Variants in NHS observed in about 807,000 individuals in gnomAD.
The protein encoded by NHS is actin remodeling regulator NHS.
NHS carries 5 observed loss-of-function variants against 72.5 expected under a neutral mutation model. The observed-to-expected ratio is 0.07, with a 90% confidence interval of 0.04 to 0.14. The LOEUF (loss-of-function observed/expected upper bound fraction) is 0.14. NHS is among the 10% of genes least tolerant of loss of function. The probability of loss-of-function intolerance (pLI) is 1.00; values close to 1 mark genes in which losing one functional copy is unlikely to be tolerated. For missense variants in NHS, 1,072 were observed against 1,355.7 expected (o/e 0.79, Z 3.29); for synonymous variants, 464 against 547.7 (o/e 0.85, Z 2.13).
Position 17,731,949 on chromosome X carries a change from G to A in NHS, c.4441G>A (p.Ala1481Thr), listed in dbSNP as rs763587943. 27 of 1,209,455 alleles carry A rather than the reference G, an allele frequency of 2.2e-5. No individual in the cohort carries two copies. The South Asian group carries it at 3.0e-4, about 13-fold the overall frequency. Residue 1481 changes from alanine (A) to threonine (T), a missense_variant, in exon 9 of 9, where the codon GCC (alanine) becomes ACC (threonine). Physicochemically the swap from Ala to Thr is moderately conservative, Grantham distance 58. Coordinates refer to ENST00000676302, the MANE Select transcript of NHS (RefSeq NM_001291867.2). ...TCCCCTCAGCAGTAGCAGCAGCAGC[G>A]CCAGTTCCATCACTTCACCCAGCAG... The part of the protein sequence containing the change: ...RAPLSSSSSS[A>T]SSITSPSSNV...
At chrX:17,721,941 G>C (rs1156768184) in intron 5 of NHS, among the ~76,000 whole-genome samples, 1 of 111,925 alleles carries the variant, frequency 8.9e-6, no homozygotes, top group Non-Finnish European at 1.9e-5. Context: ...ATATGATAAT[G>C]ATGTGTGGCA....
At chrX:17,568,998 TC>T in intron 1 of NHS, among the ~76,000 whole-genome samples, 1 of 111,582 alleles carries the variant, frequency 9.0e-6, no homozygotes, top group Non-Finnish European at 1.9e-5. Context: ...CAGGAACTCA[TC>T]CTTTTTCATG....
chrX:17,589,655 G>A (rs775369075), intron 1 of NHS, among the ~76,000 whole-genome samples: 1 of 111,319 alleles, frequency 9.0e-6, no homozygotes, highest in Non-Finnish European at 1.9e-5. Context: ...GCGTGAGTGA[G>A]TATCTTTTTC....
rs1018819699 is a variant in NHS, at chrX:17,585,365, G to A, written c.566-102377G>A. 4.5e-5 allele frequency among the ~76,000 whole-genome samples: 5 copies of A among 111,998 alleles called. No homozygotes were observed. In the Admixed American group the frequency reaches 4.7e-4, roughly 11 times the overall value. Reference sequence around the variant, plus strand: ...TTAGCTATTGTTGTGAGTAGTATGTGCTTTTTCTGTATATCAGTGCTGAGT... The same window carrying A: ...TTAGCTATTGTTGTGAGTAGTATGTACTTTTTCTGTATATCAGTGCTGAGT... On this transcript the variant is annotated intron_variant, in intron 1 of 8. Transcript: ENST00000676302.
At chrX:17,528,179 C>T (rs1489996054) in intron 1 of NHS, among the ~76,000 whole-genome samples, 1 of 111,727 alleles carries the variant, frequency 9.0e-6, no homozygotes, top group Non-Finnish European at 1.9e-5. Flanking sequence ...AGAAAAGGGG[C>T]ATCTGGTGAG....
At chrX:17,530,219 C>G (rs2065192252) in intron 1 of NHS, among the ~76,000 whole-genome samples, 1 of 111,390 alleles carries the variant, frequency 9.0e-6, no homozygotes, top group Non-Finnish European at 1.9e-5. Context: ...CCCTCCCCTC[C>G]TCTCCCTCTC....
At chrX:17,468,433 A>G (rs1279063014) in intron 1 of NHS, among the ~76,000 whole-genome samples, 8 of 107,147 alleles carry the variant, frequency 7.5e-5, no homozygotes, top group African/African-American at 2.0e-4. Context: ...ATTGGGAGAG[A>G]GCTTTTTTTT....
intron 1 of NHS, among the ~76,000 whole-genome samples, chrX:17,505,049 A>G: frequency 9.0e-6 from 1 of 111,097 alleles, no homozygotes. Context: ...TATATATATA[A>G]TGTAAATAAA....
chrX:17,642,579 G>A (rs761554087), intron 1 of NHS, among the ~76,000 whole-genome samples: 3 of 111,591 alleles, frequency 2.7e-5, no homozygotes, highest in South Asian at 3.8e-4. Flanking sequence ...ATATTAGTTC[G>A]CTTCTGGCAA....
intron 3 of NHS, among the ~76,000 whole-genome samples, chrX:17,698,741 G>GTGACCAATGGGATTTATTCTAGGAA (rs1368602446): frequency 9.0e-6 from 1 of 111,299 alleles, no homozygotes; most frequent in Non-Finnish European, 1.9e-5. Flanking sequence ...TTAATATACT[G>GTGACCAATGGGATTTATTCTAGGAA]TGACCAATGG....
chrX:17,592,685 AAAG>A (rs1290776125), intron 1 of NHS, among the ~76,000 whole-genome samples: 1 of 112,244 alleles, frequency 8.9e-6, no homozygotes, highest in Non-Finnish European at 1.9e-5. Flanking sequence ...CTTTTTAAAA[AAAG>A]AGAAATGTGC....
intron 1 of NHS, among the ~76,000 whole-genome samples, chrX:17,650,520 C>T (rs2065925852): frequency 8.9e-6 from 1 of 112,199 alleles, no homozygotes; most frequent in South Asian, 3.7e-4. Context: ...CATTGGCTTC[C>T]TCCAATCTTT....
intron 1 of NHS, among the ~76,000 whole-genome samples, chrX:17,575,338 T>C (rs1286112506): frequency 8.8e-6 from 1 of 113,160 alleles, no homozygotes; most frequent in Non-Finnish European, 1.9e-5. Flanking sequence ...CCATACTCCC[T>C]TGGCACACTG....
At chrX:17,728,410 G>A (rs1424625890) in intron 7 of NHS, 82 bp downstream of exon 7, 58 of 944,956 alleles carry the variant, frequency 6.1e-5, no homozygotes, top group Non-Finnish European at 8.1e-5. Context: ...CCAATAATAC[G>A]GTACAGCCCT....
chrX:17,660,816 G>A (rs1245429221), intron 1 of NHS, among the ~76,000 whole-genome samples: 1 of 112,241 alleles, frequency 8.9e-6, no homozygotes, highest in African/African-American at 3.2e-5. Context: ...TCAGGTAAGG[G>A]AATTGACCAA....
chrX:17,598,659 C>T (rs181371939), intron 1 of NHS, among the ~76,000 whole-genome samples: 14 of 111,693 alleles, frequency 1.3e-4, no homozygotes, highest in East Asian at 8.5e-4. Flanking sequence ...AGGTGGTAAA[C>T]CTGGGATTTG....
chrX:17,409,868 T>TG (rs1176543608), intron 1 of NHS, among the ~76,000 whole-genome samples: 1 of 111,736 alleles, frequency 8.9e-6, no homozygotes, highest in East Asian at 2.8e-4. Context: ...AATACTATAA[T>TG]GGGGTAATAA....
chrX:17,573,573 A>G (rs1200849219), intron 1 of NHS, among the ~76,000 whole-genome samples: 1 of 110,084 alleles, frequency 9.1e-6, no homozygotes, highest in East Asian at 2.9e-4. Flanking sequence ...CTAGTTAGCC[A>G]TTCATCTAAC....
chrX:17,664,986 A>C (rs1332594044), intron 1 of NHS, among the ~76,000 whole-genome samples: 1 of 110,119 alleles, frequency 9.1e-6, no homozygotes, highest in Non-Finnish European at 1.9e-5. Flanking sequence ...TATTCTTTTC[A>C]TTTCATTCTC....
Sources: gnomAD v4.1 joint callset for allele counts (sites outside exome capture counted in the v4.1 genomes callset) on GRCh38, gnomAD v4.1.1 for gene constraint, MANE v1.5 for transcripts, NCBI Gene and HGNC (gene_info 2026-07-23, HGNC 2026-07-21) for gene names.